DHRS7B: variants seen among roughly 807,000 people sequenced by gnomAD.
DHRS7B encodes dehydrogenase/reductase 7B.
DHRS7B carries 24 observed loss-of-function variants against 26.4 expected under a neutral mutation model. The observed-to-expected ratio is 0.91, with a 90% CI of 0.66 to 1.28. The LOEUF is 1.28. Ranked by LOEUF, DHRS7B falls within the 50% of genes most tolerant of loss-of-function variation. The pLI is 0.00. For missense variants in DHRS7B, 368 were observed against 419.4 expected (o/e 0.88, Z 1.07); for synonymous variants, 142 against 166.4 (o/e 0.85, Z 1.13).
intron 1 of DHRS7B, chr17:21,166,133 C>CT (rs1974108874): frequency 1.0e-6 from 1 of 985,272 alleles, no homozygotes; most frequent in Non-Finnish European, 1.2e-6. Context: ...TCCGCCCCCC[C>CT]TCACAGGATT....
At chr17:21,147,452 T>C (rs1973665837) in intron 1 of DHRS7B, among the ~76,000 whole-genome samples, 1 of 151,986 alleles carries the variant, frequency 6.6e-6, no homozygotes, top group Non-Finnish European at 1.5e-5. Context: ...CAAAAACAAA[T>C]GTATAGTGCT....
intron 2 of DHRS7B, among the ~76,000 whole-genome samples, chr17:21,177,039 C>A (rs1021003877): frequency 3.3e-5 from 5 of 152,142 alleles, no homozygotes; most frequent in African/African-American, 1.2e-4. Flanking sequence ...GTCCTCCACC[C>A]CCAGTTCTCA....
intron 2 of DHRS7B, among the ~76,000 whole-genome samples, chr17:21,177,981 T>G (rs559633617): frequency 7.2e-5 from 11 of 152,334 alleles, no homozygotes; most frequent in African/African-American, 2.4e-4. Flanking sequence ...AGGAACATCA[T>G]GGGGTGTTCT....
chr17:21,138,375 C>G (rs1330935118), intron 1 of DHRS7B, among the ~76,000 whole-genome samples: 1 of 151,340 alleles, frequency 6.6e-6, no homozygotes, highest in African/African-American at 2.4e-5. Context: ...AGGCTGCCAC[C>G]ACCATGCCCC....
intron 1 of DHRS7B, among the ~76,000 whole-genome samples, chr17:21,132,398 A>G (rs1279205772): frequency 6.6e-6 from 1 of 150,750 alleles, no homozygotes; most frequent in Non-Finnish European, 1.5e-5. Flanking sequence ...CAGGTGTACC[A>G]CTCATGCCTG....
At chr17:21,131,390 C>T (rs1393608802) in intron 1 of DHRS7B, among the ~76,000 whole-genome samples, 1 of 152,222 alleles carries the variant, frequency 6.6e-6, no homozygotes, top group African/African-American at 2.4e-5. Flanking sequence ...CTTGACATTG[C>T]CATGGCATTT....
At chr17:21,164,635 A>C (rs1168935938) in intron 1 of DHRS7B, among the ~76,000 whole-genome samples, 1 of 152,262 alleles carries the variant, frequency 6.6e-6, no homozygotes, top group Non-Finnish European at 1.5e-5. Flanking sequence ...TGGACAGCCC[A>C]CTACTCTGTG....
rs1039543824 is a variant in DHRS7B at position 21,154,967 on chromosome 17, T to A, written c.21-17051T>A. Among the ~76,000 whole-genome samples, 6 of 151,894 alleles carry A rather than the reference T, an allele frequency of 4.0e-5. No individual in the cohort carries two copies. In the South Asian group the frequency reaches 6.2e-4, roughly 16 times the overall value. ...GGGCAACCACTAAAAAAAGTTTTTTTAAAAAAAGAAGCATAGTTGATAAGC... is the reference window on the plus strand; with the variant it reads ...GGGCAACCACTAAAAAAAGTTTTTTAAAAAAAAGAAGCATAGTTGATAAGC... On this transcript the variant is annotated intron_variant, in intron 1 of 6. Coordinates refer to ENST00000395511, the MANE Select transcript of DHRS7B (RefSeq NM_015510.5).
At chr17:21,142,810 C>A (rs1364626825) in intron 1 of DHRS7B, among the ~76,000 whole-genome samples, 2 of 152,130 alleles carry the variant, frequency 1.3e-5, no homozygotes, top group Non-Finnish European at 2.9e-5. Flanking sequence ...GCATCTATCT[C>A]TGTGAGCAAA....
rs145379733 is a variant in DHRS7B at position 21,155,579 on chromosome 17, A to C, written c.21-16439A>C. Among the ~76,000 whole-genome samples, 594 of 152,332 alleles carry C rather than the reference A, an allele frequency of 3.9e-3. 3 individuals are homozygous for C. The highest frequency in any genetic ancestry group is 6.5e-3 in the Non-Finnish European group (439 of 68,022). On this transcript the variant is annotated intron_variant, in intron 1 of 6. Transcript: ENST00000395511. ...TATCAGAAAGACAGATTTGGCATGC[A>C]GAAAATTAGTAAGAACATAGTTCAA...
chr17:21,165,113 C>T (rs183599711), intron 1 of DHRS7B, among the ~76,000 whole-genome samples: 166 of 152,250 alleles, frequency 1.1e-3, no homozygotes, highest in Admixed American at 1.8e-3. Context: ...GGTGAGTGTG[C>T]TTAGTTTCAA....
intron 6 of DHRS7B, among the ~76,000 whole-genome samples, chr17:21,189,205 C>T (rs1019966391): frequency 5.3e-5 from 8 of 152,148 alleles, no homozygotes; most frequent in East Asian, 1.9e-4. Context: ...TTATCGGCAT[C>T]GGGATTGAGT....
intron 5 of DHRS7B, among the ~76,000 whole-genome samples, chr17:21,185,723 TC>T (rs1236346382): frequency 6.6e-6 from 1 of 152,132 alleles, no homozygotes; most frequent in African/African-American, 2.4e-5. Context: ...GTTTCACTCT[TC>T]TCGCCCAGGC....
At chr17:21,147,113 AATTAT>A (rs1973658522) in intron 1 of DHRS7B, among the ~76,000 whole-genome samples, 1 of 152,140 alleles carries the variant, frequency 6.6e-6, no homozygotes, top group Admixed American at 6.5e-5. Flanking sequence ...GCAGTGGGAT[AATTAT>A]ATTAATAAGT....
At chr17:21,184,612 A>G (rs1342238010) in intron 5 of DHRS7B, 149 bp downstream of exon 5, 4 of 775,558 alleles carry the variant, frequency 5.2e-6, no homozygotes, top group Non-Finnish European at 6.1e-6. Context: ...CCAGAGCCAC[A>G]TGCCTGGGAT....
intron 1 of DHRS7B, chr17:21,168,856 G>A: frequency 1.0e-6 from 1 of 985,484 alleles, no homozygotes; most frequent in Non-Finnish European, 1.2e-6. Flanking sequence ...GTGATGTTGT[G>A]TCAGGTGCTC....
At chr17:21,180,471 C>T (rs1390726192) in intron 3 of DHRS7B, among the ~76,000 whole-genome samples, 2 of 152,118 alleles carry the variant, frequency 1.3e-5, no homozygotes, top group East Asian at 1.9e-4. Context: ...TTATTTTGCA[C>T]GTGATTATCT....
Position 21,142,145 on chromosome 17 carries a change from C to T in DHRS7B, c.20+15154C>T, listed in dbSNP as rs115900609. ...TCCGAGCTCTTCAGGTGCTCAACTT[C>T]TGTCCCTTTTAAGGACTCACAACTC... On this transcript the variant is annotated intron_variant, in intron 1 of 6. Transcript: ENST00000395511. Among the ~76,000 whole-genome samples, 677 of 152,282 alleles carry T rather than the reference C, an allele frequency of 4.4e-3. 3 individuals are homozygous for T. The highest frequency in any genetic ancestry group is 0.016 in the African/African-American group (645 of 41,564).
chr17:21,177,479 AC>A (rs1337553348), intron 2 of DHRS7B, among the ~76,000 whole-genome samples: 7 of 152,088 alleles, frequency 4.6e-5, no homozygotes, highest in Admixed American at 6.5e-5. Context: ...ATCGATTGTT[AC>A]CTGGAATAGT....
Sources: allele counts gnomAD v4.1 joint callset (sites outside exome capture counted in the v4.1 genomes callset), GRCh38; gene constraint gnomAD v4.1.1; transcripts MANE v1.5; gene names NCBI Gene and HGNC (gene_info 2026-07-23, HGNC 2026-07-21).